The following PRKN variants were observed in gnomAD, a reference collection of about 807,000 sequenced individuals.
PRKN encodes parkin RBR E3 ubiquitin protein ligase, also known as E3 ubiquitin-protein ligase parkin.
PRKN carries 56 observed loss-of-function variants against 59.5 expected under a neutral mutation model. The observed-to-expected ratio is 0.94, with a 90% CI of 0.76 to 1.18. The LOEUF (loss-of-function observed/expected upper bound fraction) is 1.18, where lower values mean the gene tolerates loss of function less well. Among genes scored for constraint, PRKN ranks in the 50% most tolerant of loss-of-function variants. PRKN has a pLI of 0.00. For missense variants in PRKN, 657 were observed against 596.4 expected (o/e 1.10, Z -1.06); for synonymous variants, 250 against 222.1 (o/e 1.13, Z -1.12).
intron 4 of PRKN, among the ~76,000 whole-genome samples, chr6:162,157,007 T>C (rs1782543195): frequency 6.6e-6 from 1 of 150,926 alleles, no homozygotes; most frequent in African/African-American, 2.4e-5. Context: ...AATCTTTCCA[T>C]TTCTAGTTAT....
intron 1 of PRKN, among the ~76,000 whole-genome samples, chr6:162,675,296 G>C (rs564333913): frequency 6.6e-6 from 1 of 151,872 alleles, no homozygotes; most frequent in Non-Finnish European, 1.5e-5. Flanking sequence ...GATCCCCCCC[G>C]CCTCGGCCTC....
intron 5 of PRKN, among the ~76,000 whole-genome samples, chr6:161,992,310 A>G (rs1781679294): frequency 6.6e-6 from 1 of 152,202 alleles, no homozygotes; most frequent in African/African-American, 2.4e-5. Flanking sequence ...ACAGCACTCC[A>G]GCCTGGGCAA....
chr6:161,619,981 CTTTTTTTT>C (rs71004058), intron 7 of PRKN, among the ~76,000 whole-genome samples: 1 of 63,166 alleles, frequency 1.6e-5, no homozygotes, highest in South Asian at 6.7e-4. Flanking sequence ...ACACATTATT[CTTTTTTTT>C]TTTTTTTTTT....
chr6:162,289,011 A>G (rs911550696), intron 2 of PRKN, among the ~76,000 whole-genome samples: 1 of 152,194 alleles, frequency 6.6e-6, no homozygotes, highest in African/African-American at 2.4e-5. Flanking sequence ...AGGATGTGGA[A>G]TATGGCAAAA....
intron 4 of PRKN, among the ~76,000 whole-genome samples, chr6:162,145,930 A>C (rs940346613): frequency 1.3e-5 from 2 of 152,230 alleles, no homozygotes; most frequent in Admixed American, 1.3e-4. Flanking sequence ...TGCAGACAGC[A>C]CCAATCAGAG....
chr6:162,577,956 T>C lies in PRKN; in HGVS notation c.8-134483A>G, dbSNP rs1183432522. Among the ~76,000 whole-genome samples, 7 of 152,132 alleles carry C rather than the reference T, an allele frequency of 4.6e-5. No individual in the cohort carries two copies. The South Asian group carries it at 1.4e-3, about 32-fold the overall frequency. On this transcript the variant is annotated intron_variant, in intron 1 of 11. Coordinates refer to ENST00000366898, the MANE Select transcript of PRKN (RefSeq NM_004562.3). Reference sequence around the variant, plus strand: ...AAACCTATAATTAATTTAAAAAATTTTGAAAACTAAATAAATACAATTGGC... The same window carrying C: ...AAACCTATAATTAATTTAAAAAATTCTGAAAACTAAATAAATACAATTGGC...
chr6:162,121,146 G>C (rs1780896528), intron 4 of PRKN, among the ~76,000 whole-genome samples: 1 of 152,142 alleles, frequency 6.6e-6, no homozygotes, highest in Non-Finnish European at 1.5e-5. Flanking sequence ...CAACTCTCCT[G>C]CTCTTTGTCC....
chr6:162,009,438 T>C (rs1002416081), intron 5 of PRKN, among the ~76,000 whole-genome samples: 13 of 151,496 alleles, frequency 8.6e-5, no homozygotes. Flanking sequence ...TTCAGCAAAA[T>C]GAAAAAACAA....
intron 6 of PRKN, among the ~76,000 whole-genome samples, chr6:161,897,081 G>A (rs74721013): frequency 0.042 from 6,345 of 152,160 alleles, 195 homozygotes; most frequent in Non-Finnish European, 0.064. Flanking sequence ...CTACATGTTG[G>A]ACACTATCAC....
chr6:162,495,578 A>G (rs1400402814), intron 1 of PRKN, among the ~76,000 whole-genome samples: 1 of 152,152 alleles, frequency 6.6e-6, no homozygotes, highest in South Asian at 2.1e-4. Context: ...CCTGGCACAC[A>G]CACACTTCAA....
At chr6:161,838,611 C>A (rs1266099136) in intron 6 of PRKN, among the ~76,000 whole-genome samples, 2 of 152,240 alleles carry the variant, frequency 1.3e-5, no homozygotes, top group East Asian at 1.9e-4. Flanking sequence ...CAGCCACCTT[C>A]CTCTTCCTCA....
In PRKN at chr6:161,355,725, C is replaced by G. The variant is rs944760747; in HGVS notation, c.1285+4363G>C. Among the ~76,000 whole-genome samples, 1 of 152,142 alleles carries G rather than the reference C, an allele frequency of 6.6e-6. No individual in the cohort carries two copies. Among genetic ancestry groups the G allele is most frequent in the African/African-American group, 2.4e-5 (1 of 41,430 alleles). On this transcript the variant is annotated intron_variant, in intron 11 of 11. Transcript: ENST00000366898. The surrounding 1 kb of genome is among the most constrained non-coding windows in gnomAD (Gnocchi z 6.8). Reference sequence around the variant, plus strand: ...CCGGCCTACAAGCTAAGTTTTAATTCAGCAAATATTTTTTGTCCGGGCTCT... The same window carrying G: ...CCGGCCTACAAGCTAAGTTTTAATTGAGCAAATATTTTTTGTCCGGGCTCT...
At position 161,399,999 on chromosome 6, in the gene PRKN, G is replaced by A. The variant is rs139337185; in HGVS notation, c.1084-13122C>T. On this transcript the variant is annotated intron_variant, in intron 9 of 11. Coordinates refer to ENST00000366898, the MANE Select transcript of PRKN (RefSeq NM_004562.3). This position sits in a 1 kb window ranked among gnomAD's most constrained non-coding sequence, Gnocchi z 4.4. ...GTTATTTTATATTCATTTTTACTAA[G>A]CTTTTGGAATCGGGTCTGCTTTTAC... Among the ~76,000 whole-genome samples the A allele has an allele frequency of 1.6e-4, 25 of 152,212 alleles. No individual in the cohort carries two copies. The East Asian group carries it at 4.4e-3, about 27-fold the overall frequency.
chr6:162,344,640 G>A (rs2128129211), intron 2 of PRKN, among the ~76,000 whole-genome samples: 1 of 149,284 alleles, frequency 6.7e-6, no homozygotes, highest in East Asian at 2.0e-4. Flanking sequence ...TGCCCACCGA[G>A]ATACTCAGAT....
intron 3 of PRKN, among the ~76,000 whole-genome samples, chr6:162,206,288 C>T (rs894424381): frequency 2.0e-5 from 3 of 152,078 alleles, no homozygotes; most frequent in Admixed American, 6.6e-5. Context: ...CCTTGATTTC[C>T]ATTATCATAT....
intron 2 of PRKN, among the ~76,000 whole-genome samples, chr6:162,416,222 A>C (rs1347338993): frequency 6.6e-6 from 1 of 152,072 alleles, no homozygotes; most frequent in East Asian, 1.9e-4. Context: ...TATTTTCCTA[A>C]ATAATATATT....
At chr6:162,554,555 G>A (rs528613741) in intron 1 of PRKN, among the ~76,000 whole-genome samples, 1 of 151,914 alleles carries the variant, frequency 6.6e-6, no homozygotes, top group East Asian at 1.9e-4. Context: ...GAGAACTGGG[G>A]GTGGCAGACA....
chr6:162,011,514 A>C (rs1207658850), intron 5 of PRKN, among the ~76,000 whole-genome samples: 2 of 107,242 alleles, frequency 1.9e-5, no homozygotes, highest in Non-Finnish European at 3.6e-5. Flanking sequence ...TATTATATAT[A>C]TATTATATAT....
chr6:162,549,242 A>G, intron 1 of PRKN, among the ~76,000 whole-genome samples: 1 of 150,590 alleles, frequency 6.6e-6, no homozygotes, highest in South Asian at 2.1e-4. Context: ...CGGACACCTG[A>G]CTTCCAGCCT....
Sources: allele counts gnomAD v4.1 joint callset (sites outside exome capture counted in the v4.1 genomes callset), GRCh38; gene constraint gnomAD v4.1.1; non-coding constraint Gnocchi (gnomAD v3.1); transcripts MANE v1.5; gene names NCBI Gene and HGNC (gene_info 2026-07-23, HGNC 2026-07-21).